Variants in MCF2L2 observed in about 807,000 individuals in gnomAD.
The protein encoded by MCF2L2 is probable guanine nucleotide exchange factor MCF2L2.
In MCF2L2, 102 loss-of-function variants were observed where a neutral mutation model predicts 150.2. That is an observed-to-expected ratio of 0.68 (90% CI 0.58 to 0.80). The LOEUF (loss-of-function observed/expected upper bound fraction) is 0.80, where lower values mean the gene tolerates loss of function less well. Among genes scored for constraint, MCF2L2 ranks in the 30% least tolerant of loss-of-function variants. The pLI, the probability that MCF2L2 is intolerant of heterozygous loss-of-function variation, is 0.00. For synonymous variants in MCF2L2, 465 were observed against 491.3 expected, an observed-to-expected ratio of 0.95 and a Z score of 0.71; for missense variants, 1,256 against 1,372.8, an observed-to-expected ratio of 0.91 and a Z score of 1.34.
chr3:183,286,072 G>A (rs1053272964), intron 14 of MCF2L2, among the ~76,000 whole-genome samples: 9 of 152,132 alleles, frequency 5.9e-5, no homozygotes, highest in South Asian at 4.1e-4. Flanking sequence ...AGATGGCCCC[G>A]GAAGAGTCTC....
At chr3:183,284,223 T>C (rs1727665078) in intron 14 of MCF2L2, among the ~76,000 whole-genome samples, 1 of 152,180 alleles carries the variant, frequency 6.6e-6, no homozygotes, top group African/African-American at 2.4e-5. Flanking sequence ...TTCTCATAGA[T>C]TAATGTAATC....
At chr3:183,188,188 T>C (rs1721763019) in intron 27 of MCF2L2, among the ~76,000 whole-genome samples, 1 of 152,100 alleles carries the variant, frequency 6.6e-6, no homozygotes, top group African/African-American at 2.4e-5. Flanking sequence ...GGGAGAGGGA[T>C]GTCTAGAATG....
intron 14 of MCF2L2, among the ~76,000 whole-genome samples, chr3:183,281,537 T>C (rs1727482120): frequency 6.6e-6 from 1 of 152,138 alleles, no homozygotes; most frequent in South Asian, 2.1e-4. Flanking sequence ...AAAAGCCACT[T>C]AAATATTCCT....
chr3:183,316,774 C>T (rs6806212), intron 7 of MCF2L2, among the ~76,000 whole-genome samples: 3,028 of 152,074 alleles, frequency 0.02, 108 homozygotes, highest in African/African-American at 0.069. Context: ...GGCGAGATCT[C>T]GGCTCACTGC....
chr3:183,416,295 T>A (rs1040149226), intron 1 of MCF2L2, among the ~76,000 whole-genome samples: 4 of 152,196 alleles, frequency 2.6e-5, no homozygotes, highest in African/African-American at 9.7e-5. Context: ...AAGTATATAT[T>A]TATAGAGTTT....
intron 15 of MCF2L2, among the ~76,000 whole-genome samples, chr3:183,257,958 CTTTTTTTTTTTTTTTT>C (rs35323502): frequency 3.1e-5 from 2 of 64,724 alleles, no homozygotes; most frequent in East Asian, 6.0e-4. Context: ...CCACTTCACC[CTTTTTTTTTTTTTTTT>C]TTTTTTTTTT....
At chr3:183,378,633 G>C (rs1010800276) in intron 3 of MCF2L2, 4 of 152,052 alleles carry the variant, frequency 2.6e-5, no homozygotes, top group African/African-American at 9.7e-5. Flanking sequence ...TTCGGAGAGA[G>C]AAATAACTCC....
chr3:183,240,217 A>T (rs568486927), intron 15 of MCF2L2, among the ~76,000 whole-genome samples: 1 of 152,332 alleles, frequency 6.6e-6, no homozygotes, highest in Admixed American at 6.5e-5. Context: ...TTTGCAGACC[A>T]CCAGGCTACG....
At chr3:183,359,660 T>C (rs1712008521) in intron 3 of MCF2L2, among the ~76,000 whole-genome samples, 1 of 152,240 alleles carries the variant, frequency 6.6e-6, no homozygotes, top group Admixed American at 6.5e-5. Flanking sequence ...AAACACTTTC[T>C]TGAACAGCAT....
intron 10 of MCF2L2, among the ~76,000 whole-genome samples, chr3:183,302,067 C>T (rs1193589359): frequency 6.6e-6 from 1 of 152,116 alleles, no homozygotes; most frequent in Non-Finnish European, 1.5e-5. Context: ...AACCTCTGGG[C>T]ATTGAGTCTC....
intron 1 of MCF2L2, among the ~76,000 whole-genome samples, chr3:183,403,038 T>C (rs1397983667): frequency 2.0e-5 from 3 of 152,034 alleles, no homozygotes; most frequent in Non-Finnish European, 2.9e-5. Flanking sequence ...CCCAGCACTT[T>C]GGGAGGCTGA....
intron 4 of MCF2L2, among the ~76,000 whole-genome samples, chr3:183,340,917 TG>T (rs1308233075): frequency 2.6e-5 from 4 of 152,246 alleles, no homozygotes; most frequent in African/African-American, 9.6e-5. Context: ...CACTCCAGCC[TG>T]GGCGACAGAG....
At chr3:183,274,006 G>A (rs1013856352) in intron 15 of MCF2L2, among the ~76,000 whole-genome samples, 2 of 152,172 alleles carry the variant, frequency 1.3e-5, no homozygotes, top group Non-Finnish European at 2.9e-5. Context: ...CCTGAGGTTA[G>A]GAGTTTGAGA....
chr3:183,298,161 G>C (rs1162935908), intron 11 of MCF2L2: 2 of 152,170 alleles, frequency 1.3e-5, no homozygotes, highest in Non-Finnish European at 2.9e-5. Context: ...TTAGATAGGT[G>C]ATGAGTTCTA....
intron 3 of MCF2L2, among the ~76,000 whole-genome samples, chr3:183,362,890 C>T (rs1170288964): frequency 6.6e-6 from 1 of 152,088 alleles, no homozygotes; most frequent in Non-Finnish European, 1.5e-5. Context: ...TTCTTTACGT[C>T]TTTATATCTT....
Position 183,289,356 on chromosome 3 carries a change from TC to T in MCF2L2, c.1676-137del, listed in dbSNP as rs1381935158. The T allele has an allele frequency of 1.3e-5, 8 of 613,588 alleles. No individual in the cohort carries two copies. The African/African-American group carries it at 1.5e-4, about 11-fold the overall frequency. 38.0% of individuals were successfully genotyped at this position (613,588 alleles called of 1,614,324 possible). On this transcript the variant is annotated intron_variant, in intron 13 of 29. Transcript: ENST00000328913. ...GCTCACTTGAGCTGCTGCGTTGATT[TC>T]CTAGGGCTGGATGAAATTGGAGGTG...
chr3:183,405,580 T>C (rs940703474), intron 1 of MCF2L2, among the ~76,000 whole-genome samples: 1 of 152,232 alleles, frequency 6.6e-6, no homozygotes, highest in African/African-American at 2.4e-5. Flanking sequence ...CTGACATCTT[T>C]ATCTTAGCAT....
At chr3:183,365,871 C>T (rs1712491800) in intron 3 of MCF2L2, among the ~76,000 whole-genome samples, 1 of 151,648 alleles carries the variant, frequency 6.6e-6, no homozygotes, top group African/African-American at 2.4e-5. Flanking sequence ...GCTAATACAC[C>T]AATTACATAA....
chr3:183,305,559 C>A lies in MCF2L2; in HGVS notation c.1113+4157G>T, dbSNP rs1476160284. Reference sequence around the variant, plus strand: ...GTCTAGGGAGAAACGCCCATAAAGGCAACTGAGGAGGCCGGGCGCAGTGGG... The same window carrying A: ...GTCTAGGGAGAAACGCCCATAAAGGAAACTGAGGAGGCCGGGCGCAGTGGG... On this transcript the variant is annotated intron_variant, in intron 10 of 29. Transcript: ENST00000328913. The surrounding 1 kb of genome is among the most constrained non-coding windows in gnomAD (Gnocchi z 4.1). Among the ~76,000 whole-genome samples, 1 of 152,088 alleles carries A rather than the reference C, an allele frequency of 6.6e-6. No individual in the cohort carries two copies. The highest frequency in any genetic ancestry group is 1.9e-4 in the East Asian group (1 of 5,186).
Sources: allele counts gnomAD v4.1 joint callset (sites outside exome capture counted in the v4.1 genomes callset), GRCh38; gene constraint gnomAD v4.1.1; non-coding constraint Gnocchi (gnomAD v3.1); transcripts MANE v1.5; gene names NCBI Gene and HGNC (gene_info 2026-07-23, HGNC 2026-07-21).